Variants in ATXN7L1 observed in about 807,000 individuals in gnomAD.
ATXN7L1 encodes ataxin 7 like 1.
Under a neutral mutation model 70.8 loss-of-function variants are expected in ATXN7L1, and 15 were observed. That is an observed-to-expected ratio of 0.21 (90% confidence interval 0.14 to 0.33). ATXN7L1 has a LOEUF of 0.33. Among genes scored for constraint, ATXN7L1 ranks in the 10% least tolerant of loss-of-function variants. The pLI, the probability that ATXN7L1 is intolerant of heterozygous loss-of-function variation, is 1.00. For missense variants in ATXN7L1, 975 were observed against 1,097.1 expected (o/e 0.89, Z 1.57); for synonymous variants, 440 against 445.1 (o/e 0.99, Z 0.14).
chr7:105,752,589 A>C (rs1373600737), intron 3 of ATXN7L1, among the ~76,000 whole-genome samples: 1 of 152,222 alleles, frequency 6.6e-6, no homozygotes, highest in Non-Finnish European at 1.5e-5. Flanking sequence ...TGGCTCAAAC[A>C]TGTAGTTGAG....
intron 3 of ATXN7L1, among the ~76,000 whole-genome samples, chr7:105,775,697 G>T (rs1321247131): frequency 6.6e-6 from 1 of 152,206 alleles, no homozygotes; most frequent in Non-Finnish European, 1.5e-5. Context: ...CTCCTCCAGA[G>T]TTGGGAAACA....
chr7:105,646,888 G>C (rs1799124854), intron 4 of ATXN7L1, among the ~76,000 whole-genome samples: 1 of 152,026 alleles, frequency 6.6e-6, no homozygotes, highest in Non-Finnish European at 1.5e-5. Context: ...GGGCTGCAGA[G>C]AGCTAGGATT....
intron 2 of ATXN7L1, among the ~76,000 whole-genome samples, chr7:105,830,622 TAC>T (rs1811472328): frequency 6.6e-6 from 1 of 152,268 alleles, no homozygotes; most frequent in African/African-American, 2.4e-5. Context: ...CCTGTATTCT[TAC>T]AGAGCCTGTG....
intron 2 of ATXN7L1, among the ~76,000 whole-genome samples, chr7:105,842,120 C>T (rs888409946): frequency 1.3e-5 from 2 of 152,132 alleles, no homozygotes; most frequent in African/African-American, 2.4e-5. Context: ...AGTCCCTCTT[C>T]CTGCCTGGGA....
At chr7:105,634,548 G>A (rs943666752) in intron 7 of ATXN7L1, among the ~76,000 whole-genome samples, 3 of 152,046 alleles carry the variant, frequency 2.0e-5, no homozygotes, top group Non-Finnish European at 2.9e-5. Context: ...GGAAAATGGG[G>A]TCTCGCTATG....
At chr7:105,806,859 G>A (rs1049580539) in intron 2 of ATXN7L1, among the ~76,000 whole-genome samples, 3 of 152,128 alleles carry the variant, frequency 2.0e-5, no homozygotes, top group Non-Finnish European at 4.4e-5. Flanking sequence ...GAAAGCTCTG[G>A]GGAAAAAATA....
intron 2 of ATXN7L1, among the ~76,000 whole-genome samples, chr7:105,818,666 T>G (rs6953952): frequency 1.3e-5 from 2 of 152,194 alleles, no homozygotes; most frequent in East Asian, 3.9e-4. Flanking sequence ...CCCCAAAAGT[T>G]TGGGCACTAC....
intron 3 of ATXN7L1, chr7:105,677,874 T>C (rs1172518682): frequency 3.4e-6 from 3 of 895,062 alleles, no homozygotes; most frequent in East Asian, 1.2e-4. Flanking sequence ...CACAGGGCCA[T>C]GGTCTCTTAT....
At chr7:105,679,111 C>T in intron 3 of ATXN7L1, 5 of 985,976 alleles carry the variant, frequency 5.1e-6, no homozygotes, top group Non-Finnish European at 6.0e-6. Context: ...CTGGGCAACG[C>T]GACTCGTGGT....
At chr7:105,688,289 C>A (rs771752584) in intron 3 of ATXN7L1, among the ~76,000 whole-genome samples, 26 of 152,140 alleles carry the variant, frequency 1.7e-4, no homozygotes, top group Non-Finnish European at 3.1e-4. Flanking sequence ...TGCCTGTAAT[C>A]CCAGCACTTT....
At chr7:105,754,418 G>A (rs1799560597) in intron 3 of ATXN7L1, among the ~76,000 whole-genome samples, 1 of 149,832 alleles carries the variant, frequency 6.7e-6, no homozygotes, top group Admixed American at 6.7e-5. Flanking sequence ...TTTTTTAAGA[G>A]ACAGAGTCTC....
At chr7:105,666,924 C>A (rs2116077730) in intron 3 of ATXN7L1, among the ~76,000 whole-genome samples, 1 of 152,250 alleles carries the variant, frequency 6.6e-6, no homozygotes, top group Non-Finnish European at 1.5e-5. Context: ...CTTAAACTTC[C>A]TTGGTTCCTG....
intron 3 of ATXN7L1, among the ~76,000 whole-genome samples, chr7:105,666,323 A>C (rs1802609579): frequency 6.6e-6 from 1 of 152,270 alleles, no homozygotes; most frequent in South Asian, 2.1e-4. Flanking sequence ...GTGTTGAATA[A>C]ATAAATGAAA....
At chr7:105,788,476 G>C in intron 3 of ATXN7L1, 128 bp downstream of exon 3, 1 of 746,406 alleles carries the variant, frequency 1.3e-6, no homozygotes. Context: ...CAGCAGCCCA[G>C]GAAGACTTTA....
chr7:105,837,849 T>G (rs1235354787), intron 2 of ATXN7L1, among the ~76,000 whole-genome samples: 1 of 152,068 alleles, frequency 6.6e-6, no homozygotes, highest in Non-Finnish European at 1.5e-5. Flanking sequence ...AGTGGCACTC[T>G]GGACCTCTGG....
At chr7:105,629,858 C>T (rs1024021180) in intron 7 of ATXN7L1, among the ~76,000 whole-genome samples, 1 of 151,278 alleles carries the variant, frequency 6.6e-6, no homozygotes, top group Non-Finnish European at 1.5e-5. Context: ...CACTCCTTCA[C>T]CCAGGCTGGA....
chr7:105,866,500 C>T (rs1817496583), intron 2 of ATXN7L1, among the ~76,000 whole-genome samples: 1 of 152,170 alleles, frequency 6.6e-6, no homozygotes, highest in Non-Finnish European at 1.5e-5. Flanking sequence ...CCAGGTCTAG[C>T]CCCTGAATAT....
chr7:105,775,079 T>C (rs1485793227), intron 3 of ATXN7L1, among the ~76,000 whole-genome samples: 1 of 152,206 alleles, frequency 6.6e-6, no homozygotes, highest in Non-Finnish European at 1.5e-5. Context: ...TTACTGACTC[T>C]TTCATCCTTT....
chr7:105,797,215 G>T (rs1205587404), intron 2 of ATXN7L1, among the ~76,000 whole-genome samples: 1 of 152,232 alleles, frequency 6.6e-6, no homozygotes, highest in Admixed American at 6.5e-5. Flanking sequence ...GGCTAGGCTG[G>T]AAGGCATCCC....
Sources: gnomAD v4.1 joint callset for allele counts (sites outside exome capture counted in the v4.1 genomes callset) on GRCh38, gnomAD v4.1.1 for gene constraint, MANE v1.5 for transcripts, NCBI Gene and HGNC (gene_info 2026-07-23, HGNC 2026-07-21) for gene names.